Variants in THSD7B observed in about 807,000 individuals in gnomAD.
The protein encoded by THSD7B is thrombospondin type 1 domain containing 7B.
THSD7B carries 138 observed loss-of-function variants against 213.6 expected under a neutral mutation model. The observed-to-expected ratio is 0.65, with a 90% CI of 0.56 to 0.74. THSD7B has a LOEUF of 0.74. Among genes scored for constraint, THSD7B ranks in the 30% least tolerant of loss-of-function variants. The pLI, the probability that THSD7B is intolerant of heterozygous loss-of-function variation, is 0.00. For synonymous variants in THSD7B, 742 were observed against 687.0 expected (o/e 1.08, Z -1.25); for missense variants, 1,931 against 1,991.5 (o/e 0.97, Z 0.58).
At chr2:137,446,563 T>C (rs1335764898) in intron 14 of THSD7B, among the ~76,000 whole-genome samples, 1 of 152,042 alleles carries the variant, frequency 6.6e-6, no homozygotes, top group Non-Finnish European at 1.5e-5. Context: ...ATAATGAATA[T>C]GGTTTACAAA....
At chr2:136,817,179 C>T (rs965492166) in intron 1 of THSD7B, among the ~76,000 whole-genome samples, 1 of 152,038 alleles carries the variant, frequency 6.6e-6, no homozygotes, top group Non-Finnish European at 1.5e-5. Flanking sequence ...TGAATGCTTC[C>T]CTTTAAGAGT....
intron 4 of THSD7B, among the ~76,000 whole-genome samples, chr2:137,111,760 C>T (rs1292345326): frequency 6.6e-6 from 1 of 152,162 alleles, no homozygotes; most frequent in Non-Finnish European, 1.5e-5. Flanking sequence ...CACACTGATT[C>T]ACACTCTCAC....
chr2:136,842,942 A>G (rs1199614780), intron 1 of THSD7B, among the ~76,000 whole-genome samples: 2 of 152,212 alleles, frequency 1.3e-5, no homozygotes, highest in African/African-American at 4.8e-5. Context: ...TAATTGTTCA[A>G]TAAATGTTCT....
chr2:136,952,930 G>T (rs1245928647), intron 2 of THSD7B, among the ~76,000 whole-genome samples: 2 of 152,096 alleles, frequency 1.3e-5, no homozygotes, highest in Non-Finnish European at 2.9e-5. Context: ...TAGAATTACA[G>T]TTTCATGTGG....
At chr2:137,047,333 T>C (rs1686989628) in intron 2 of THSD7B, among the ~76,000 whole-genome samples, 1 of 152,246 alleles carries the variant, frequency 6.6e-6, no homozygotes, top group Non-Finnish European at 1.5e-5. Context: ...CTACTGGGTA[T>C]ATAGGTGTTT....
chr2:136,988,673 C>A (rs1041095491), intron 2 of THSD7B, among the ~76,000 whole-genome samples: 2 of 152,270 alleles, frequency 1.3e-5, no homozygotes, highest in Admixed American at 6.5e-5. Context: ...CATGGATTTC[C>A]AATTTTGGGC....
rs188172931 is a variant in THSD7B, at chr2:137,316,794, G to A, written c.2500+40768G>A. Among the ~76,000 whole-genome samples the A allele has an allele frequency of 1.3e-4, 20 of 151,652 alleles. No homozygotes were observed. The East Asian group carries it at 3.5e-3, about 26-fold the overall frequency. ...AGAAAAAGAAAAAAAAAGAAAAGGC[G>A]ACCAGGTTCTTATGATATGGTAATT... On this transcript the variant is annotated intron_variant, in intron 12 of 27. Coordinates refer to ENST00000409968, the MANE Select transcript of THSD7B (RefSeq NM_001316349.2).
intron 6 of THSD7B, among the ~76,000 whole-genome samples, chr2:137,168,337 A>G (rs13019227): frequency 0.045 from 6,910 of 152,312 alleles, 196 homozygotes; most frequent in Admixed American, 0.069. Context: ...CCCAACCACT[A>G]TGGACTTGGC....
chr2:136,779,745 A>G (rs1283155823), intron 1 of THSD7B, among the ~76,000 whole-genome samples: 3 of 152,242 alleles, frequency 2.0e-5, no homozygotes, highest in African/African-American at 7.2e-5. Context: ...AACATGTGAT[A>G]CATGGGATTT....
At chr2:136,816,939 A>G (rs1020954851) in intron 1 of THSD7B, among the ~76,000 whole-genome samples, 1 of 152,190 alleles carries the variant, frequency 6.6e-6, no homozygotes, top group Non-Finnish European at 1.5e-5. Context: ...ATATGGACAT[A>G]TTGCTGAACT....
chr2:136,807,299 A>G (rs981542581), intron 1 of THSD7B, among the ~76,000 whole-genome samples: 1 of 151,988 alleles, frequency 6.6e-6, no homozygotes, highest in African/African-American at 2.4e-5. Flanking sequence ...TCATTTATTT[A>G]TTTATTCAAA....
chr2:136,925,018 G>C (rs545533979), intron 2 of THSD7B, among the ~76,000 whole-genome samples: 5 of 152,108 alleles, frequency 3.3e-5, no homozygotes, highest in Admixed American at 6.5e-5. Context: ...TGTTGATTTT[G>C]TATCCTGCAA....
intron 16 of THSD7B, among the ~76,000 whole-genome samples, chr2:137,570,400 C>G (rs952242871): frequency 6.6e-6 from 1 of 152,008 alleles, no homozygotes; most frequent in African/African-American, 2.4e-5. Flanking sequence ...ACTCAGCCTC[C>G]CGGGTTCACG....
chr2:136,973,170 C>A (rs1685430395), intron 2 of THSD7B, among the ~76,000 whole-genome samples: 1 of 152,116 alleles, frequency 6.6e-6, no homozygotes, highest in Non-Finnish European at 1.5e-5. Flanking sequence ...TTTCTTTCTT[C>A]ATTCCTTATT....
At chr2:137,653,102 C>T (rs1683169435) in intron 21 of THSD7B, among the ~76,000 whole-genome samples, 1 of 147,588 alleles carries the variant, frequency 6.8e-6, no homozygotes. Flanking sequence ...TTTAGCATTT[C>T]TCATAAGTCT....
chr2:137,303,595 T>C (rs1558749509), intron 12 of THSD7B, among the ~76,000 whole-genome samples: 2 of 148,984 alleles, frequency 1.3e-5, no homozygotes, highest in South Asian at 2.1e-4. Context: ...TGCATGATTC[T>C]TTTTTTAATA....
At chr2:137,500,950 A>T (rs1442797023) in intron 15 of THSD7B, among the ~76,000 whole-genome samples, 3 of 151,450 alleles carry the variant, frequency 2.0e-5, no homozygotes. Flanking sequence ...GTTTTTTTTT[A>T]TATTAGAAAG....
intron 12 of THSD7B, among the ~76,000 whole-genome samples, chr2:137,392,028 A>C (rs1370631554): frequency 6.6e-6 from 1 of 152,144 alleles, no homozygotes; most frequent in Non-Finnish European, 1.5e-5. Flanking sequence ...TATGTTGTTT[A>C]ATTGCCATGT....
At chr2:137,630,342 G>A (rs572787096) in intron 20 of THSD7B, among the ~76,000 whole-genome samples, 9 of 152,064 alleles carry the variant, frequency 5.9e-5, no homozygotes, top group Non-Finnish European at 1.2e-4. Context: ...AGAGGAATAG[G>A]ATACATGGCC....
Sources: gnomAD v4.1 joint callset for allele counts (sites outside exome capture counted in the v4.1 genomes callset) on GRCh38, gnomAD v4.1.1 for gene constraint, MANE v1.5 for transcripts, NCBI Gene and HGNC (gene_info 2026-07-23, HGNC 2026-07-21) for gene names.